The following UBTD2 variants were observed in gnomAD, a reference collection of about 807,000 sequenced individuals.
The protein encoded by UBTD2 is ubiquitin domain-containing protein 2.
Under a neutral mutation model 19.8 loss-of-function variants are expected in UBTD2, and 9 were observed. That is an observed-to-expected ratio of 0.46 (90% CI 0.27 to 0.79). UBTD2 has a LOEUF of 0.79. UBTD2 is among the 30% of genes least tolerant of loss of function. UBTD2 has a pLI of 0.14. For missense variants in UBTD2, 250 were observed against 300.4 expected, an observed-to-expected ratio of 0.83 and a Z score of 1.24; for synonymous variants, 98 against 103.9, an observed-to-expected ratio of 0.94 and a Z score of 0.35.
rs1203742946 is a variant in UBTD2 at position 172,263,935 on chromosome 5, G to A, written c.70+19661C>T. Among the ~76,000 whole-genome samples, 3 of 150,612 alleles carry A rather than the reference G, an allele frequency of 2.0e-5. No individual in the cohort carries two copies. The East Asian group carries it at 5.9e-4, about 29-fold the overall frequency. ...CAGGCTGGGCTCAAGCACTCCTCCC[G>A]CTTCAGCCTCCAGAGTAGATGAGAC... On this transcript the variant is annotated intron_variant, in intron 1 of 2. Coordinates refer to ENST00000393792, the MANE Select transcript of UBTD2 (RefSeq NM_152277.3).
intron 1 of UBTD2, among the ~76,000 whole-genome samples, chr5:172,243,391 A>T (rs1047633468): frequency 6.6e-6 from 1 of 151,996 alleles, no homozygotes; most frequent in South Asian, 2.1e-4. Flanking sequence ...GAATGGGACT[A>T]GTGACCTTGT....
At chr5:172,230,497 GTAT>G (rs1260292686) in intron 2 of UBTD2, among the ~76,000 whole-genome samples, 2 of 150,010 alleles carry the variant, frequency 1.3e-5, no homozygotes, top group Non-Finnish European at 2.9e-5. Context: ...CAACTTACAT[GTAT>G]TATTATTACA....
At chr5:172,224,784 C>T (rs1033925364) in intron 2 of UBTD2, among the ~76,000 whole-genome samples, 7 of 152,036 alleles carry the variant, frequency 4.6e-5, no homozygotes, top group South Asian at 2.1e-4. Context: ...ACCTAGTCTC[C>T]GGCAGTTCTT....
chr5:172,229,788 A>G (rs1335000443), intron 2 of UBTD2, among the ~76,000 whole-genome samples: 1 of 152,172 alleles, frequency 6.6e-6, no homozygotes, highest in Non-Finnish European at 1.5e-5. Flanking sequence ...ACTGAATAGT[A>G]TACTATTCAC....
chr5:172,273,633 A>C, intron 1 of UBTD2, among the ~76,000 whole-genome samples: 1 of 149,844 alleles, frequency 6.7e-6, no homozygotes. Context: ...TTTCCAACAT[A>C]AATTCCAATC....
rs150420452 is a variant in UBTD2, at chr5:172,252,000, A to C, written c.71-17642T>G. Reference sequence around the variant, plus strand: ...AAGATTTAACGAGGTAATATTTCTCAAACAATTAGAACAGTACCTGTCACA... The same window carrying C: ...AAGATTTAACGAGGTAATATTTCTCCAACAATTAGAACAGTACCTGTCACA... On this transcript the variant is annotated intron_variant, in intron 1 of 2. Coordinates refer to ENST00000393792, the MANE Select transcript of UBTD2 (RefSeq NM_152277.3). Among the ~76,000 whole-genome samples the C allele has an allele frequency of 6.1e-3, 931 of 152,340 alleles. 6 individuals carry two copies. Among genetic ancestry groups the C allele is most frequent in the African/African-American group, 0.021 (880 of 41,572 alleles).
chr5:172,214,051 T>A (rs1196173974), intron 2 of UBTD2, among the ~76,000 whole-genome samples: 2 of 152,216 alleles, frequency 1.3e-5, no homozygotes, highest in Admixed American at 1.3e-4. Flanking sequence ...TCCCAAAGTG[T>A]TGGGATCACA....
At chr5:172,216,918 A>G (rs1771554266) in intron 2 of UBTD2, among the ~76,000 whole-genome samples, 1 of 152,012 alleles carries the variant, frequency 6.6e-6, no homozygotes, top group Non-Finnish European at 1.5e-5. Context: ...GTGAGCCGAG[A>G]TTGTGTCACT....
At chr5:172,269,230 C>G (rs1755434785) in intron 1 of UBTD2, among the ~76,000 whole-genome samples, 1 of 152,058 alleles carries the variant, frequency 6.6e-6, no homozygotes, top group Non-Finnish European at 1.5e-5. Context: ...TGGCTCATGC[C>G]TGTAATCCTA....
chr5:172,253,917 GA>G (rs996631922), intron 1 of UBTD2, among the ~76,000 whole-genome samples: 1 of 150,862 alleles, frequency 6.6e-6, no homozygotes, highest in Non-Finnish European at 1.5e-5. Context: ...GCAACCCTAG[GA>G]AAAAAAAAGT....
intron 1 of UBTD2, among the ~76,000 whole-genome samples, chr5:172,234,883 G>C (rs1304583815): frequency 1.4e-5 from 1 of 70,154 alleles, no homozygotes; most frequent in African/African-American, 5.7e-5. Context: ...ACTTCAGCCT[G>C]GGCGAGAGTG....
At chr5:172,277,580 C>A (rs1015650832) in intron 1 of UBTD2, among the ~76,000 whole-genome samples, 2 of 151,912 alleles carry the variant, frequency 1.3e-5, no homozygotes, top group African/African-American at 4.8e-5. Flanking sequence ...GTGGTGCACA[C>A]CTGTGGTCCC....
intron 1 of UBTD2, among the ~76,000 whole-genome samples, chr5:172,258,006 T>C (rs1755194592): frequency 6.6e-6 from 1 of 152,234 alleles, no homozygotes; most frequent in Non-Finnish European, 1.5e-5. Context: ...AGCTCTTAGT[T>C]TACTTAGGTC....
intron 1 of UBTD2, among the ~76,000 whole-genome samples, chr5:172,260,975 C>T (rs753063099): frequency 6.6e-6 from 1 of 152,138 alleles, no homozygotes; most frequent in Non-Finnish European, 1.5e-5. Flanking sequence ...AGCAATACAA[C>T]AATGATCAAA....
intron 2 of UBTD2, among the ~76,000 whole-genome samples, chr5:172,221,719 G>A (rs1260365301): frequency 6.6e-6 from 1 of 152,164 alleles, no homozygotes; most frequent in African/African-American, 2.4e-5. Context: ...TGAATAGGTA[G>A]AACACAGAGG....
chr5:172,258,609 T>G (rs1381635381), intron 1 of UBTD2, among the ~76,000 whole-genome samples: 1 of 151,924 alleles, frequency 6.6e-6, no homozygotes, highest in Non-Finnish European at 1.5e-5. Context: ...CCATGAGCAT[T>G]TGTTTATGTC....
intron 1 of UBTD2, among the ~76,000 whole-genome samples, chr5:172,274,570 T>A (rs929776197): frequency 1.3e-5 from 2 of 152,158 alleles, no homozygotes; most frequent in African/African-American, 4.8e-5. Flanking sequence ...ACATTCTTGG[T>A]GAAGAAAGTC....
At chr5:172,255,781 CTTAACTT>C (rs1755132587) in intron 1 of UBTD2, among the ~76,000 whole-genome samples, 1 of 152,074 alleles carries the variant, frequency 6.6e-6, no homozygotes, top group Non-Finnish European at 1.5e-5. Flanking sequence ...GGGCTGAATT[CTTAACTT>C]TTAAGATAGA....
intron 1 of UBTD2, among the ~76,000 whole-genome samples, chr5:172,250,933 C>CAAAAAAA (rs56280728): frequency 2.3e-5 from 1 of 43,936 alleles, no homozygotes; most frequent in Non-Finnish European, 4.0e-5. Flanking sequence ...GACCCTGTCT[C>CAAAAAAA]AAAAAAAAAA....
Sources: allele counts gnomAD v4.1 joint callset (sites outside exome capture counted in the v4.1 genomes callset), GRCh38; gene constraint gnomAD v4.1.1; transcripts MANE v1.5; gene names NCBI Gene and HGNC (gene_info 2026-07-23, HGNC 2026-07-21).